Variants in TDRP observed in about 807,000 individuals in gnomAD.
TDRP encodes testis development-related protein.
In TDRP, 12 loss-of-function variants were observed where a neutral mutation model predicts 10.5. The ratio of observed to expected loss-of-function variants is 1.15; its 90% CI spans 0.73 to 1.86. The LOEUF is 1.86. Ranked by LOEUF, TDRP falls within the 40% of genes most tolerant of loss-of-function variation. The pLI, the probability that TDRP is intolerant of heterozygous loss-of-function variation, is 0.00. For synonymous variants in TDRP, 139 were observed against 95.4 expected (o/e 1.46, Z -2.67); for missense variants, 353 against 229.2 (o/e 1.54, Z -3.49).
At chr8:535,663 T>C (rs1802325660) in intron 1 of TDRP, among the ~76,000 whole-genome samples, 2 of 151,734 alleles carry the variant, frequency 1.3e-5, no homozygotes, top group South Asian at 4.2e-4. Flanking sequence ...CAGGTGATCT[T>C]AAAAAAGCAG....
intron 1 of TDRP, 99 bp from the exon 2 acceptor site, chr8:494,696 A>T: frequency 1.9e-6 from 2 of 1,056,560 alleles, no homozygotes; most frequent in Non-Finnish European, 1.4e-6. Flanking sequence ...TAGAAAAAAG[A>T]ATTGGCAGAG....
Position 495,517 on chromosome 8 carries a change from G to A in TDRP, c.109-920C>T, listed in dbSNP as rs1352077327. ...TAATTAATACCATCTTGGATACAAC[G>A]AAATCCATTACTAAGAAGAATGGAG... On this transcript the variant is annotated intron_variant, in intron 1 of 2. Coordinates refer to ENST00000324079, the MANE Select transcript of TDRP (RefSeq NM_001384899.1). Among the ~76,000 whole-genome samples the A allele has an allele frequency of 2.6e-5, 4 of 152,212 alleles. No individual in the cohort carries two copies. In the South Asian group the frequency reaches 6.2e-4, roughly 24 times the overall value.
intron 1 of TDRP, among the ~76,000 whole-genome samples, chr8:541,504 CATACAT>C (rs1386172663): frequency 1.1e-4 from 16 of 152,174 alleles, no homozygotes; most frequent in African/African-American, 1.9e-4. Context: ...TTATAGAACA[CATACAT>C]ATAAAGAACT....
chr8:530,366 G>A (rs999027334), intron 1 of TDRP, among the ~76,000 whole-genome samples: 1 of 152,014 alleles, frequency 6.6e-6, no homozygotes, highest in Non-Finnish European at 1.5e-5. Context: ...TCAAATTCTG[G>A]AGATTTATTT....
intron 1 of TDRP, among the ~76,000 whole-genome samples, chr8:498,218 C>G (rs535356773): frequency 6.6e-6 from 1 of 152,254 alleles, no homozygotes; most frequent in African/African-American, 2.4e-5. Flanking sequence ...CTGAAAAAGC[C>G]ACAGGCACTC....
At chr8:544,990 C>G (rs1372259020), upstream of TDRP, 8 of 318,650 alleles carry the variant, frequency 2.5e-5, no homozygotes, top group Non-Finnish European at 4.5e-5. Flanking sequence ...GAACCAGGCC[C>G]GCTCCAAGCC....
chr8:509,872 A>T (rs939474670), intron 1 of TDRP, among the ~76,000 whole-genome samples: 1 of 152,204 alleles, frequency 6.6e-6, no homozygotes, highest in Non-Finnish European at 1.5e-5. Context: ...TGTGAAAGGA[A>T]AATAAATGTT....
chr8:514,681 G>T (rs1017982712), intron 1 of TDRP, among the ~76,000 whole-genome samples: 2 of 152,118 alleles, frequency 1.3e-5, no homozygotes, highest in Non-Finnish European at 2.9e-5. Context: ...TCCACTACCA[G>T]TCACCTCAGT....
At chr8:529,755 C>T (rs565660377) in intron 1 of TDRP, among the ~76,000 whole-genome samples, 2 of 152,102 alleles carry the variant, frequency 1.3e-5, no homozygotes, top group Non-Finnish European at 1.5e-5. Flanking sequence ...ATGGGAGCTC[C>T]CTTGTTATAT....
chr8:544,792 G>A lies in TDRP; in HGVS notation c.-35C>T, dbSNP rs927731302. The A allele has an allele frequency of 1.6e-6, 2 of 1,217,436 alleles. No individual in the cohort carries two copies. Among genetic ancestry groups the A allele is most frequent in the South Asian group, 4.1e-5 (1 of 24,170 alleles). The allele number at this position is 1,217,436 out of a possible 1,614,324, so 75.4% of individuals were successfully genotyped here. ...GGCTCCGGCGTCCCTCCGTCCGTGC[G>A]TCGGGCTGTGGCTCCGCGTCCCTCC... On this transcript the variant is annotated 5_prime_UTR_variant, in exon 1 of 3. The change creates a new upstream start codon in the 5' untranslated region. Coordinates refer to ENST00000324079, the MANE Select transcript of TDRP (RefSeq NM_001384899.1).
chr8:516,437 A>C (rs1021078140), intron 1 of TDRP, among the ~76,000 whole-genome samples: 1 of 152,212 alleles, frequency 6.6e-6, no homozygotes, highest in Non-Finnish European at 1.5e-5. Context: ...CAGCCCTATA[A>C]AAAATGAGCA....
chr8:491,609 G>A lies in TDRP; in HGVS notation c.*790C>T, dbSNP rs911497956. On this transcript the variant is annotated 3_prime_UTR_variant, in exon 3 of 3. Transcript: ENST00000324079. ...GCACAGTCTTAACTCTCTATAATGA[G>A]CAAGACAATGTTTCCTAAATGAAAT... is the stretch of plus-strand genomic sequence containing the variant. 4 of 1,530,144 alleles carry A rather than the reference G, an allele frequency of 2.6e-6. No individual in the cohort carries two copies. In the African/African-American group the frequency reaches 4.1e-5, roughly 16 times the overall value. The allele number at this position is 1,530,144 out of a possible 1,614,324, so 94.8% of individuals were successfully genotyped here. A position where few individuals can be genotyped will look rare whatever the true frequency, so the allele number is the denominator to read the frequency against.
intron 1 of TDRP, chr8:494,898 C>T (rs78118409): frequency 0.018 from 4,133 of 224,346 alleles, 88 homozygotes; most frequent in East Asian, 0.08. Context: ...TAAAATCAGA[C>T]GAAGCTTCCC....
rs780160356 is a variant in TDRP, at chr8:492,014, G to T, written c.*385C>A. ...AACTGCATGACAGCTGCATTTATAC[G>T]TGCTACATACAAGAAAAAGGTACGG... On this transcript the variant is annotated 3_prime_UTR_variant, in exon 3 of 3. Transcript: ENST00000324079. 2 of 1,109,770 alleles carry T rather than the reference G, an allele frequency of 1.8e-6. No individual in the cohort carries two copies. The highest frequency in any genetic ancestry group is 5.5e-5 in the East Asian group (1 of 18,090). 68.7% of individuals were successfully genotyped at this position (1,109,770 alleles called of 1,614,324 possible).
In TDRP at chr8:538,370, G is replaced by C. The variant is rs143995316; in HGVS notation, c.108+6280C>G. ...CAAAAGCGAGGTCCTGACTAAAGCT[G>C]GGTCAGATAGAGTCTGTTGGCAGCT... On this transcript the variant is annotated intron_variant, in intron 1 of 2. Transcript: ENST00000324079. 4.6e-5 allele frequency among the ~76,000 whole-genome samples: 7 copies of C among 152,298 alleles called. No homozygotes were observed. In the East Asian group the frequency reaches 1.2e-3, roughly 25 times the overall value.
chr8:520,698 C>T (rs188191041), intron 1 of TDRP, among the ~76,000 whole-genome samples: 5 of 152,252 alleles, frequency 3.3e-5, no homozygotes, highest in East Asian at 3.9e-4. Context: ...TGATTAGCAA[C>T]GTTGAACATC....
chr8:493,242 C>G lies in TDRP; in HGVS notation c.213-498G>C, dbSNP rs115190542. 3.3e-5 allele frequency among the ~76,000 whole-genome samples: 5 copies of G among 152,284 alleles called. No individual in the cohort carries two copies. The South Asian group carries it at 1.0e-3, about 32-fold the overall frequency. The stretch of plus-strand genomic sequence containing the variant: ...ACTATAAAAAGGAAATGGTAGCAAG[C>G]GACAGCTAGGGAAGAAAGATCCTAA... On this transcript the variant is annotated intron_variant, in intron 2 of 2. Transcript: ENST00000324079.
intron 1 of TDRP, among the ~76,000 whole-genome samples, chr8:539,953 A>G (rs1393377393): frequency 1.3e-5 from 2 of 152,214 alleles, no homozygotes; most frequent in Non-Finnish European, 2.9e-5. Flanking sequence ...AATATGTCTA[A>G]GCTTTTTAAA....
At chr8:523,189 G>A (rs936989365) in intron 1 of TDRP, among the ~76,000 whole-genome samples, 1 of 151,742 alleles carries the variant, frequency 6.6e-6, no homozygotes, top group African/African-American at 2.4e-5. Flanking sequence ...TTTCTTTCTG[G>A]TTATCACAGG....
Sources: allele counts gnomAD v4.1 joint callset (sites outside exome capture counted in the v4.1 genomes callset), GRCh38; gene constraint gnomAD v4.1.1; transcripts MANE v1.5; gene names NCBI Gene and HGNC (gene_info 2026-07-23, HGNC 2026-07-21).